The following EFHB variants were observed in gnomAD, a reference collection of about 807,000 sequenced individuals.
The protein encoded by EFHB is EF-hand domain family member B.
In EFHB, 91 loss-of-function variants were observed where a neutral mutation model predicts 87.2. That is an observed-to-expected ratio of 1.04 (90% CI 0.88 to 1.24). The LOEUF (loss-of-function observed/expected upper bound fraction) is 1.24, where lower values mean the gene tolerates loss of function less well. Ranked by LOEUF, EFHB falls within the 50% of genes most tolerant of loss-of-function variation. The pLI is 0.00. For synonymous variants in EFHB, 325 were observed against 333.6 expected (o/e 0.97, Z 0.28); for missense variants, 1,084 against 998.8 (o/e 1.09, Z -1.15).
rs916901403 is a variant in EFHB at position 19,930,826 on chromosome 3, C to T, written c.789+2404G>A. 1.1e-4 allele frequency among the ~76,000 whole-genome samples: 16 copies of T among 152,196 alleles called. No homozygotes were observed. The East Asian group carries it at 2.7e-3, about 26-fold the overall frequency. ...ATGTTGCCCAGGCTGATGACAAACT[C>T]CTGGCCTCGAGAAATCCTGCTGCCT... On this transcript the variant is annotated intron_variant, in intron 1 of 12. Transcript: ENST00000295824.
intron 1 of EFHB, among the ~76,000 whole-genome samples, chr3:19,921,503 C>T (rs1695434368): frequency 6.6e-6 from 1 of 151,896 alleles, no homozygotes; most frequent in African/African-American, 2.4e-5. Flanking sequence ...TGATTAGATA[C>T]ATGAAGAAGG....
At chr3:19,900,916 G>A (rs1285340136) in intron 6 of EFHB, among the ~76,000 whole-genome samples, 32 of 140,562 alleles carry the variant, frequency 2.3e-4, no homozygotes, top group African/African-American at 8.0e-4. Context: ...GCAACAAAGT[G>A]AGCCTGTCTC....
Position 19,890,705 on chromosome 3 carries a change from G to A in EFHB, c.1726-2054C>T, listed in dbSNP as rs530331233. Among the ~76,000 whole-genome samples, 172 of 152,252 alleles carry A rather than the reference G, an allele frequency of 1.1e-3. 2 individuals carry two copies. Among genetic ancestry groups the A allele is most frequent in the African/African-American group, 4.0e-3 (167 of 41,552 alleles). The stretch of plus-strand genomic sequence containing the variant: ...TCCTTTGAGTTACAAGTCTATAACT[G>A]GTGGTTTTGCCAATTAGAGCCTCTG... On this transcript the variant is annotated intron_variant, in intron 9 of 12. Coordinates refer to ENST00000295824, the MANE Select transcript of EFHB (RefSeq NM_144715.4).
chr3:19,910,435 C>T (rs982657870), intron 5 of EFHB, among the ~76,000 whole-genome samples: 2 of 152,104 alleles, frequency 1.3e-5, no homozygotes, highest in East Asian at 3.9e-4. Flanking sequence ...AGCTGCAATA[C>T]AGTAGAATAC....
intron 8 of EFHB, among the ~76,000 whole-genome samples, chr3:19,898,245 G>A (rs1694550503): frequency 6.6e-6 from 1 of 152,218 alleles, no homozygotes; most frequent in Non-Finnish European, 1.5e-5. Context: ...GGTAGGAAAA[G>A]AGTGGTTCTT....
At chr3:19,914,531 A>T (rs62279137) in intron 5 of EFHB, among the ~76,000 whole-genome samples, 14,420 of 152,212 alleles carry the variant, frequency 0.095, 733 homozygotes, top group Middle Eastern at 0.15. Flanking sequence ...TTAAGACAAG[A>T]TCGCTAATAA....
intron 1 of EFHB, among the ~76,000 whole-genome samples, chr3:19,926,822 G>A (rs1215640429): frequency 1.3e-5 from 2 of 151,558 alleles, no homozygotes; most frequent in South Asian, 2.1e-4. Context: ...CACCACACCC[G>A]GCTAATTTTG....
upstream of EFHB, among the ~76,000 whole-genome samples, chr3:19,936,593 C>A (rs550926458): frequency 1.3e-5 from 2 of 151,970 alleles, no homozygotes; most frequent in African/African-American, 2.4e-5. Flanking sequence ...TAAGGCCAGG[C>A]GCAGTGGCTC....
intron 1 of EFHB, among the ~76,000 whole-genome samples, chr3:19,927,008 T>C (rs1695654755): frequency 6.6e-6 from 1 of 152,154 alleles, no homozygotes; most frequent in Admixed American, 6.5e-5. Flanking sequence ...CAGGCTGGAG[T>C]GAAGTGATAC....
chr3:19,879,707 A>AAAAG lies in EFHB; in HGVS notation c.2425_2426insCTTT (p.Val809AlafsTer5). 6.2e-7 allele frequency: 1 copy of AAAAG among 1,610,524 alleles called. No homozygotes were observed. The highest frequency in any genetic ancestry group is 8.5e-7 in the Non-Finnish European group (1 of 1,179,018). ...AACATTTCTGATGTTCTCAACACAA[A>AAAAG]CTTCTCCTCTGTGATGCTTTTTTGA... is the stretch of plus-strand genomic sequence containing the variant. On this transcript the variant is annotated frameshift_variant, in exon 13 of 13. Transcript: ENST00000295824. LOFTEE classifies it high-confidence loss of function.
At chr3:19,917,053 T>C (rs76015742) in intron 4 of EFHB, among the ~76,000 whole-genome samples, 110 of 152,124 alleles carry the variant, frequency 7.2e-4, no homozygotes, top group African/African-American at 2.6e-3. Context: ...TAACAGTTCA[T>C]ATACATCGGA....
intron 9 of EFHB, among the ~76,000 whole-genome samples, chr3:19,891,816 C>A (rs1429127247): frequency 4.6e-5 from 7 of 152,174 alleles, no homozygotes; most frequent in African/African-American, 1.7e-4. Flanking sequence ...GCTGCCTGTA[C>A]ATACATGGCA....
At chr3:19,930,579 T>G (rs1695794697) in intron 1 of EFHB, among the ~76,000 whole-genome samples, 1 of 152,232 alleles carries the variant, frequency 6.6e-6, no homozygotes, top group Admixed American at 6.5e-5. Context: ...TGTTGGTAAT[T>G]TCTTAATGTC....
intron 5 of EFHB, among the ~76,000 whole-genome samples, chr3:19,906,118 C>T (rs1694835176): frequency 6.6e-6 from 1 of 152,142 alleles, no homozygotes; most frequent in Non-Finnish European, 1.5e-5. Context: ...GCCAGGAGTT[C>T]GAGACCAGTT....
intron 1 of EFHB, among the ~76,000 whole-genome samples, chr3:19,927,436 G>C (rs1695670141): frequency 6.6e-6 from 1 of 152,092 alleles, no homozygotes. Flanking sequence ...TCCTGCACTG[G>C]TTCCACATCC....
At chr3:19,936,106 TA>T (rs774276225), upstream of EFHB, 46 of 1,327,514 alleles carry the variant, frequency 3.5e-5, 2 homozygotes, top group South Asian at 7.7e-4. Flanking sequence ...AATATTTTTT[TA>T]AAAGTGTGTA....
chr3:19,945,681 T>C (rs879298054), intron 1 of EFHB, among the ~76,000 whole-genome samples: 2 of 152,200 alleles, frequency 1.3e-5, no homozygotes, highest in Non-Finnish European at 2.9e-5. Context: ...CCCAGAGCTA[T>C]TACCATGATT....
upstream of EFHB, among the ~76,000 whole-genome samples, chr3:19,934,545 T>C (rs867221860): frequency 6.6e-6 from 1 of 151,316 alleles, no homozygotes; most frequent in Non-Finnish European, 1.5e-5. Flanking sequence ...TTCCTCTCTC[T>C]TTTTCTTTGC....
At chr3:19,944,258 G>A (rs1336828067) in intron 1 of EFHB, among the ~76,000 whole-genome samples, 1 of 152,212 alleles carries the variant, frequency 6.6e-6, no homozygotes, top group Non-Finnish European at 1.5e-5. Context: ...TCCTGGAAGA[G>A]AAGGAAAAGG....
Sources: allele counts gnomAD v4.1 joint callset (sites outside exome capture counted in the v4.1 genomes callset), GRCh38; gene constraint gnomAD v4.1.1; transcripts MANE v1.5; gene names NCBI Gene and HGNC (gene_info 2026-07-23, HGNC 2026-07-21).